Variants in WASHC4 observed in about 807,000 individuals in gnomAD.
The protein encoded by WASHC4 is WASH complex subunit 7.
Under a neutral mutation model 166.6 loss-of-function variants are expected in WASHC4, and 86 were observed. The ratio of observed to expected loss-of-function variants is 0.52; its 90% CI spans 0.43 to 0.62. The LOEUF (loss-of-function observed/expected upper bound fraction) is 0.62. WASHC4 is among the 20% of genes least tolerant of loss of function. WASHC4 has a pLI of 0.00. For synonymous variants in WASHC4, 446 were observed against 451.6 expected, an observed-to-expected ratio of 0.99 and a Z score of 0.16; for missense variants, 1,262 against 1,382.4, an observed-to-expected ratio of 0.91 and a Z score of 1.38.
intron 15 of WASHC4, 106 bp downstream of exon 15, chr12:105,138,117 A>G (rs1882474592): frequency 8.9e-7 from 1 of 1,129,368 alleles, no homozygotes; most frequent in African/African-American, 1.6e-5. Context: ...GAGAACAGAA[A>G]ATTGTGAGAA....
At chr12:105,159,063 G>A (rs1194899532) in intron 28 of WASHC4, among the ~76,000 whole-genome samples, 3 of 152,154 alleles carry the variant, frequency 2.0e-5, no homozygotes, top group Admixed American at 1.3e-4. Context: ...GATTACATAA[G>A]CCATTTACAA....
intron 6 of WASHC4, among the ~76,000 whole-genome samples, chr12:105,117,914 C>G (rs535048342): frequency 3.3e-5 from 5 of 152,268 alleles, no homozygotes; most frequent in African/African-American, 1.2e-4. Context: ...ATAAGTGATA[C>G]GACATTTCAC....
Position 105,122,009 on chromosome 12 carries a change from G to A in WASHC4, c.666-109G>A, listed in dbSNP as rs1880795708. ...GTGTTCAAATTTTCAAATGTGTAGA[G>A]CCAAACAAGAAATATAAATATAAAA... On this transcript the variant is annotated intron_variant, in intron 9 of 32. Coordinates refer to ENST00000332180, the MANE Select transcript of WASHC4 (RefSeq NM_015275.3). The A allele has an allele frequency of 7.9e-6, 6 of 756,982 alleles. No homozygotes were observed. The African/African-American group carries it at 1.1e-4, about 13-fold the overall frequency. 46.9% of individuals were successfully genotyped at this position (756,982 alleles called of 1,614,324 possible). A position where few individuals can be genotyped will look rare whatever the true frequency, so the allele number is the denominator to read the frequency against.
intron 6 of WASHC4, among the ~76,000 whole-genome samples, chr12:105,116,681 T>C (rs1177587984): frequency 6.6e-6 from 1 of 152,220 alleles, no homozygotes; most frequent in Non-Finnish European, 1.5e-5. Context: ...GTAACCTTTT[T>C]ATTATCGGTA....
intron 30 of WASHC4, among the ~76,000 whole-genome samples, chr12:105,163,166 G>A (rs2135844733): frequency 6.6e-6 from 1 of 152,108 alleles, no homozygotes. Flanking sequence ...CACTGTGTTA[G>A]CCAGGATGGT....
At chr12:105,117,318 G>A (rs999259087) in intron 6 of WASHC4, among the ~76,000 whole-genome samples, 3 of 151,884 alleles carry the variant, frequency 2.0e-5, no homozygotes. Flanking sequence ...TGTTTTAGTT[G>A]GGTTTATTTA....
At position 105,118,491 on chromosome 12, in the gene WASHC4, G is replaced by A. The variant is rs751479470; in HGVS notation, c.481G>A (p.Val161Ile). 24 of 1,613,306 alleles carry A rather than the reference G, an allele frequency of 1.5e-5. No individual in the cohort carries two copies. The highest frequency in any genetic ancestry group is 2.2e-5 in the East Asian group (1 of 44,882). The part of the protein sequence containing the change: ...VTRCYEVVMN[V>I]VHQLAALYIS... ...GAGGTGCTATGAAGTGGTGATGAACGTAGTCCACCAGTTGGCTGCCCTCTA... is the reference window on the plus strand; with the variant it reads ...GAGGTGCTATGAAGTGGTGATGAACATAGTCCACCAGTTGGCTGCCCTCTA... The change falls in exon 7 of 33, where the codon GTA becomes ATA. Residue 161 changes from valine to isoleucine, a missense_variant. Coordinates refer to ENST00000332180, the MANE Select transcript of WASHC4 (RefSeq NM_015275.3).
At position 105,144,492 on chromosome 12, in the gene WASHC4, C is replaced by CTT. The variant is rs370837338; in HGVS notation, c.2179+52_2179+53dup. Reference sequence around the variant, plus strand: ...GCTTTCCTTCTTAGAGTCATATTCTCTTTTTTTTTTTTTTTTACCCTACTG... The same window carrying CTT: ...GCTTTCCTTCTTAGAGTCATATTCTCTTTTTTTTTTTTTTTTTTACCCTACTG... On this transcript the variant is annotated intron_variant, in intron 21 of 32. Transcript: ENST00000332180. The CTT allele has an allele frequency of 1.9e-3, 2,540 of 1,336,496 alleles. 5 individuals are homozygous for CTT. The highest frequency in any genetic ancestry group is 0.015 in the African/African-American group (908 of 61,736). The allele number at this position is 1,336,496 out of a possible 1,614,324, so 82.8% of individuals were successfully genotyped here.
At chr12:105,162,093 C>G (rs183481306) in intron 29 of WASHC4, among the ~76,000 whole-genome samples, 87 of 152,324 alleles carry the variant, frequency 5.7e-4, no homozygotes, top group African/African-American at 2.0e-3. Context: ...TTGCTCTAGA[C>G]TGTGAACTCT....
rs1260876878 is a variant in WASHC4, at chr12:105,149,864, TAA to T, written c.2649+116_2649+117del. On this transcript the variant is annotated intron_variant, in intron 25 of 32. Transcript: ENST00000332180. ...TGGGGTTTTAGTTTTATTTTCCCTA[TAA>T]TTTCTTACTCTGCATTATCTGTAGG... 4.0e-5 allele frequency: 43 copies of T among 1,069,270 alleles called. No homozygotes were observed. The East Asian group carries it at 1.1e-3, about 28-fold the overall frequency. 66.2% of individuals were successfully genotyped at this position (1,069,270 alleles called of 1,614,324 possible). A position where few individuals can be genotyped will look rare whatever the true frequency, so the allele number is the denominator to read the frequency against.
intron 1 of WASHC4, among the ~76,000 whole-genome samples, chr12:105,109,574 T>G (rs1326106836): frequency 2.0e-5 from 3 of 152,316 alleles, no homozygotes; most frequent in Admixed American, 2.0e-4. Flanking sequence ...TATTTTAGGT[T>G]TTCTGTTTCC....
At chr12:105,153,389 ATTGAT>A (rs1247915246) in intron 26 of WASHC4, among the ~76,000 whole-genome samples, 1 of 152,210 alleles carries the variant, frequency 6.6e-6, no homozygotes, top group Non-Finnish European at 1.5e-5. Flanking sequence ...TTTTCAGTTA[ATTGAT>A]TTGCATATTA....
chr12:105,164,077 T>G (rs769152583), intron 30 of WASHC4, 34 bp from the exon 31 acceptor site: 4 of 1,593,580 alleles, frequency 2.5e-6, no homozygotes, highest in South Asian at 1.1e-5. Flanking sequence ...CTGTACTCAC[T>G]GTAATTTAAC....
chr12:105,167,517 A>G lies in WASHC4; in HGVS notation c.*586A>G, dbSNP rs907844722. On this transcript the variant is annotated 3_prime_UTR_variant, in exon 33 of 33. Transcript: ENST00000332180. Reference sequence around the variant, plus strand: ...CATTGTTAATTTCATGTGACTCACAAGAGCTGCTGATGTCTTTGATGAGAC... The same window carrying G: ...CATTGTTAATTTCATGTGACTCACAGGAGCTGCTGATGTCTTTGATGAGAC... 6 of 152,810 alleles carry G rather than the reference A, an allele frequency of 3.9e-5. No individual in the cohort carries two copies. Among genetic ancestry groups the G allele is most frequent in the African/African-American group, 1.4e-4 (6 of 41,464 alleles). 9.5% of individuals were successfully genotyped at this position (152,810 alleles called of 1,614,324 possible). A position where few individuals can be genotyped will look rare whatever the true frequency, so the allele number is the denominator to read the frequency against.
rs1168280539 is a variant in WASHC4, at chr12:105,152,404, A to G, written c.2711A>G (p.Glu904Gly). 1 of 1,606,896 alleles carries G rather than the reference A, an allele frequency of 6.2e-7. No homozygotes were observed. Among genetic ancestry groups the G allele is most frequent in the East Asian group, 2.2e-5 (1 of 44,804 alleles). Residue 904 changes from glutamate to glycine, a missense_variant, in exon 26 of 33, where the codon GAG becomes GGG. Physicochemically the swap from Glu to Gly is moderately conservative, Grantham distance 98. Coordinates refer to ENST00000332180, the MANE Select transcript of WASHC4 (RefSeq NM_015275.3). ...ATCAGAAAACTTGGAGTAACACCTG[A>G]GGGACAGAGCTACCTTGATCAATTC... Reference protein sequence around the residue: ...RGIRKLGVTPEGQSYLDQFRQ... With the variant: ...RGIRKLGVTPGGQSYLDQFRQ...
At chr12:105,134,079 A>G (rs1041536890) in intron 14 of WASHC4, among the ~76,000 whole-genome samples, 183 bp downstream of exon 14, 2 of 152,096 alleles carry the variant, frequency 1.3e-5, no homozygotes, top group Non-Finnish European at 2.9e-5. Flanking sequence ...AAAGCTCTAT[A>G]TTCCTTTACA....
At chr12:105,126,663 A>G (rs891410171) in intron 12 of WASHC4, among the ~76,000 whole-genome samples, 1 of 152,020 alleles carries the variant, frequency 6.6e-6, no homozygotes, top group African/African-American at 2.4e-5. Context: ...ACTGAAGATG[A>G]AGAAATTTAA....
intron 5 of WASHC4, 90 bp from the exon 6 acceptor site, chr12:105,115,571 A>AT: frequency 3.3e-6 from 3 of 915,608 alleles, no homozygotes; most frequent in Non-Finnish European, 5.4e-6. Context: ...AGATGTCCTA[A>AT]TGAAAAAAAA....
At position 105,126,266 on chromosome 12, in the gene WASHC4, G is replaced by A. The variant is rs1218431522; in HGVS notation, c.942G>A (p.Lys314=). 1.9e-6 allele frequency: 3 copies of A among 1,612,428 alleles called. No homozygotes were observed. The South Asian group carries it at 3.3e-5, about 18-fold the overall frequency. The change falls in exon 12 of 33, where the codon AAG becomes AAA. Residue 314 remains lysine, a synonymous_variant. Coordinates refer to ENST00000332180, the MANE Select transcript of WASHC4 (RefSeq NM_015275.3). ...CTTCTGAAATTGACCAGAGAGACAAGTATGTTGGAATTTGTGGACTCTTTG... is the reference window on the plus strand; with the variant it reads ...CTTCTGAAATTGACCAGAGAGACAAATATGTTGGAATTTGTGGACTCTTTG... ...GEPSEIDQRD[K]YVGICGLFVL... is the part of the protein sequence containing the mutation.
Sources: gnomAD v4.1 joint callset for allele counts (sites outside exome capture counted in the v4.1 genomes callset) on GRCh38, gnomAD v4.1.1 for gene constraint, MANE v1.5 for transcripts, NCBI Gene and HGNC (gene_info 2026-07-23, HGNC 2026-07-21) for gene names.